NFATC3: variants seen among roughly 807,000 people sequenced by gnomAD.
The protein encoded by NFATC3 is nuclear factor of activated T cells 3.
In NFATC3, 46 loss-of-function variants were observed where a neutral mutation model predicts 98.6. The observed-to-expected ratio is 0.47, with a 90% CI of 0.37 to 0.60. NFATC3 has a LOEUF of 0.60. Ranked by LOEUF, NFATC3 falls within the 20% of genes least tolerant of loss-of-function variation. The pLI is 0.00. For synonymous variants in NFATC3, 512 were observed against 472.2 expected (o/e 1.08, Z -1.09); for missense variants, 1,256 against 1,295.5 (o/e 0.97, Z 0.47).
At chr16:68,121,959 T>C in intron 1 of NFATC3, 28 bp from the exon 2 acceptor site, 1 of 893,050 alleles carries the variant, frequency 1.1e-6, no homozygotes, top group Non-Finnish European at 1.5e-6. Flanking sequence ...TTTGTTGGGT[T>C]TTTTTTTTTT....
At chr16:68,144,948 G>C (rs139277503) in intron 3 of NFATC3, among the ~76,000 whole-genome samples, 5,488 of 151,904 alleles carry the variant, frequency 0.036, 107 homozygotes, top group Middle Eastern at 0.15. Flanking sequence ...ATGAGCCACC[G>C]CACATGGCTG....
intron 9 of NFATC3, 71 bp downstream of exon 9, chr16:68,191,846 A>G (rs1414646833): frequency 6.5e-7 from 1 of 1,534,858 alleles, no homozygotes; most frequent in African/African-American, 1.4e-5. Flanking sequence ...GTGTCATGAA[A>G]AAGTTTCTAT....
rs117748861 is a variant in NFATC3, at chr16:68,086,154, T to C, written c.103+370T>C. ...GTTAGCGCACTGGGTTTTTCATCTA[T>C]TCTAGGTCGTTTCTTGAAATTTTAG... On this transcript the variant is annotated intron_variant, in intron 1 of 9. Transcript: ENST00000346183. 5.8e-3 allele frequency among the ~76,000 whole-genome samples: 881 copies of C among 152,336 alleles called. 4 individuals are homozygous for C. Among genetic ancestry groups the C allele is most frequent in the Non-Finnish European group, 0.01 (691 of 68,020 alleles).
intron 4 of NFATC3, among the ~76,000 whole-genome samples, chr16:68,159,588 A>C (rs1208284201): frequency 6.6e-6 from 1 of 151,244 alleles, no homozygotes; most frequent in Non-Finnish European, 1.5e-5. Flanking sequence ...ACGCCCGGCT[A>C]ATTTTTTTGT....
intron 3 of NFATC3, among the ~76,000 whole-genome samples, chr16:68,156,560 G>A (rs2038628249): frequency 6.6e-6 from 1 of 152,162 alleles, no homozygotes; most frequent in Non-Finnish European, 1.5e-5. Flanking sequence ...TACTACATTA[G>A]TAGAATGAAG....
intron 4 of NFATC3, among the ~76,000 whole-genome samples, chr16:68,161,924 CCT>C (rs1373854779): frequency 6.6e-6 from 1 of 152,132 alleles, no homozygotes; most frequent in East Asian, 1.9e-4. Flanking sequence ...TCTAAATTTA[CCT>C]GTCTCCTCCA....
At chr16:68,195,893 A>G (rs1173070586) in intron 9 of NFATC3, among the ~76,000 whole-genome samples, 1 of 152,184 alleles carries the variant, frequency 6.6e-6, no homozygotes, top group East Asian at 1.9e-4. Flanking sequence ...TCACCCTGTC[A>G]TCCGGTCTGA....
At chr16:68,164,383 AAG>A (rs1289605972) in intron 4 of NFATC3, among the ~76,000 whole-genome samples, 121 of 152,158 alleles carry the variant, frequency 8.0e-4, no homozygotes, top group African/African-American at 2.5e-3. Flanking sequence ...AGACCGTGGA[AAG>A]AGAGGGAGAG....
intron 6 of NFATC3, among the ~76,000 whole-genome samples, chr16:68,179,336 A>G (rs973593016): frequency 2.6e-5 from 4 of 152,226 alleles, no homozygotes; most frequent in Non-Finnish European, 5.9e-5. Context: ...GGCTGAAGGC[A>G]GGGCATCCTG....
At chr16:68,145,135 T>C (rs367592036) in intron 3 of NFATC3, among the ~76,000 whole-genome samples, 49 of 144,624 alleles carry the variant, frequency 3.4e-4, no homozygotes, top group South Asian at 6.5e-4. Context: ...CTCTCTCTCT[T>C]TTTTTTTTTT....
At chr16:68,088,648 C>T (rs2034534660) in intron 1 of NFATC3, 1 of 151,920 alleles carries the variant, frequency 6.6e-6, no homozygotes, top group Non-Finnish European at 1.5e-5. Flanking sequence ...ATTGTCCCGC[C>T]TCTGCCTCCT....
intron 3 of NFATC3, among the ~76,000 whole-genome samples, chr16:68,139,003 A>G (rs2037601672): frequency 2.0e-5 from 3 of 152,114 alleles, no homozygotes; most frequent in Non-Finnish European, 4.4e-5. Context: ...TTCGATATGT[A>G]TTTTTTGATT....
In NFATC3 at chr16:68,140,695, TA is replaced by T. The variant is rs1253486905; in HGVS notation, c.1401+14093del. On this transcript the variant is annotated intron_variant, in intron 3 of 9. Coordinates refer to ENST00000346183, the MANE Select transcript of NFATC3 (RefSeq NM_173165.3). The stretch of plus-strand genomic sequence containing the variant: ...TATTTTACCCAAAAGTCTGTTGAAA[TA>T]AAAAAAAGGAGTATTTTAGTGACTG... Among the ~76,000 whole-genome samples, 16 of 151,482 alleles carry T rather than the reference TA, an allele frequency of 1.1e-4. No homozygotes were observed. In the South Asian group the frequency reaches 1.3e-3, roughly 12 times the overall value.
rs1027030418 is a variant in NFATC3 at position 68,181,400 on chromosome 16, T to C, written c.1916-75T>C. On this transcript the variant is annotated intron_variant, in intron 6 of 9. Transcript: ENST00000346183. ...CCCTTTGTTAATAAATTTGTGATAC[T>C]ATCCATGCATTAGATTTTGTCTGTA... The C allele has an allele frequency of 9.2e-6, 9 of 980,466 alleles. No individual in the cohort carries two copies. In the African/African-American group the frequency reaches 1.5e-4, roughly 16 times the overall value. The allele number at this position is 980,466 out of a possible 1,614,324, so 60.7% of individuals were successfully genotyped here. A position where few individuals can be genotyped will look rare whatever the true frequency, so the allele number is the denominator to read the frequency against.
At chr16:68,213,552 G>A (rs1017386890) in intron 9 of NFATC3, among the ~76,000 whole-genome samples, 3 of 152,110 alleles carry the variant, frequency 2.0e-5, no homozygotes. Flanking sequence ...CTCCAGGCGG[G>A]CATGGTGGCT....
At chr16:68,149,223 G>A (rs1874132104) in intron 3 of NFATC3, among the ~76,000 whole-genome samples, 1 of 152,106 alleles carries the variant, frequency 6.6e-6, no homozygotes, top group Admixed American at 6.6e-5. Flanking sequence ...ATGGAAGTCT[G>A]CATACTGAAG....
At chr16:68,178,844 A>G (rs890091732) in intron 6 of NFATC3, among the ~76,000 whole-genome samples, 1 of 152,234 alleles carries the variant, frequency 6.6e-6, no homozygotes, top group Non-Finnish European at 1.5e-5. Flanking sequence ...AAGTTGAATC[A>G]TGTTAAATGG....
chr16:68,158,629 G>A (rs1414653359), intron 4 of NFATC3, among the ~76,000 whole-genome samples: 1 of 152,182 alleles, frequency 6.6e-6, no homozygotes, highest in African/African-American at 2.4e-5. Context: ...GGCTAGCACA[G>A]TAGCTGCATA....
chr16:68,152,107 A>G (rs866892540), intron 3 of NFATC3, among the ~76,000 whole-genome samples: 1 of 151,408 alleles, frequency 6.6e-6, no homozygotes, highest in Non-Finnish European at 1.5e-5. Context: ...TCACGCCTAT[A>G]ATCCCAGCAC....
Sources: allele counts gnomAD v4.1 joint callset (sites outside exome capture counted in the v4.1 genomes callset), GRCh38; gene constraint gnomAD v4.1.1; transcripts MANE v1.5; gene names NCBI Gene and HGNC (gene_info 2026-07-23, HGNC 2026-07-21).